Variants in PRKAR2A observed in about 807,000 individuals in gnomAD.
PRKAR2A encodes cAMP-dependent protein kinase type II-alpha regulatory subunit.
A neutral mutation model predicts 51.9 loss-of-function variants in PRKAR2A; 29 were observed. The ratio of observed to expected loss-of-function variants is 0.56; its 90% CI spans 0.42 to 0.76. PRKAR2A has a LOEUF of 0.76. Among genes scored for constraint, PRKAR2A ranks in the 30% least tolerant of loss-of-function variants. The probability of loss-of-function intolerance (pLI) is 0.00; values close to 1 mark genes in which losing one functional copy is unlikely to be tolerated. For synonymous variants in PRKAR2A, 178 were observed against 186.2 expected (o/e 0.96, Z 0.36); for missense variants, 445 against 512.1 (o/e 0.87, Z 1.26).
chr3:48,812,487 C>CTT (rs71627353), intron 1 of PRKAR2A, among the ~76,000 whole-genome samples: 12 of 134,308 alleles, frequency 8.9e-5, no homozygotes, highest in Admixed American at 2.3e-4. Flanking sequence ...GCAGAAAAAG[C>CTT]TTTTTTTTTT....
At chr3:48,824,246 A>AT (rs1301415016) in intron 1 of PRKAR2A, among the ~76,000 whole-genome samples, 2 of 152,036 alleles carry the variant, frequency 1.3e-5, no homozygotes, top group Non-Finnish European at 2.9e-5. Flanking sequence ...CGTCTAAAAA[A>AT]ATATATACAA....
chr3:48,791,791 TA>T (rs1363964476), intron 3 of PRKAR2A, among the ~76,000 whole-genome samples: 1 of 148,666 alleles, frequency 6.7e-6, no homozygotes, highest in African/African-American at 2.5e-5. Flanking sequence ...TAATCCCAGC[TA>T]CCCGAGAGGC....
At chr3:48,745,061 G>A (rs148969874), downstream of PRKAR2A, among the ~76,000 whole-genome samples, 35 of 152,076 alleles carry the variant, frequency 2.3e-4, no homozygotes, top group African/African-American at 8.2e-4. Flanking sequence ...TTTTAGTAGA[G>A]ACGGGGTTTC....
At chr3:48,822,784 G>T (rs542009505) in intron 1 of PRKAR2A, among the ~76,000 whole-genome samples, 242 of 23,488 alleles carry the variant, frequency 0.01, 1 homozygote, top group Middle Eastern at 0.028. Context: ...CTGGAGTGTG[G>T]TGGTGCAATC....
Position 48,770,626 on chromosome 3 carries a change from C to A in PRKAR2A, c.696+2329G>T, listed in dbSNP as rs114314775. 4.0e-3 allele frequency among the ~76,000 whole-genome samples: 613 copies of A among 152,196 alleles called. 7 individuals are homozygous for A. The highest frequency in any genetic ancestry group is 0.014 in the African/African-American group (584 of 41,518). Reference sequence around the variant, plus strand: ...AGAAAAGTAGAGGCCAAAAGGATATCTTGATAGGTCACTGACCTAAGAAAG... The same window carrying A: ...AGAAAAGTAGAGGCCAAAAGGATATATTGATAGGTCACTGACCTAAGAAAG... On this transcript the variant is annotated intron_variant, in intron 6 of 10. Transcript: ENST00000265563.
intron 2 of PRKAR2A, among the ~76,000 whole-genome samples, chr3:48,797,194 G>C (rs1210715366): frequency 6.6e-6 from 1 of 151,818 alleles, no homozygotes; most frequent in Non-Finnish European, 1.5e-5. Context: ...TTGAGACAGA[G>C]TCTCGCTGTC....
downstream of PRKAR2A, among the ~76,000 whole-genome samples, chr3:48,745,871 G>A (rs2081557011): frequency 6.6e-6 from 1 of 152,090 alleles, no homozygotes; most frequent in Admixed American, 6.6e-5. Flanking sequence ...TGGTATAGAA[G>A]TAAAGTAGAT....
chr3:48,766,320 C>A (rs1255205301), intron 6 of PRKAR2A, among the ~76,000 whole-genome samples: 1 of 152,090 alleles, frequency 6.6e-6, no homozygotes, highest in Non-Finnish European at 1.5e-5. Flanking sequence ...GTAATCCCAG[C>A]ATTCTGGGAG....
chr3:48,800,105 G>A (rs990407349), intron 2 of PRKAR2A, among the ~76,000 whole-genome samples: 6 of 151,486 alleles, frequency 4.0e-5, no homozygotes, highest in South Asian at 2.1e-4. Flanking sequence ...TGATCCACCC[G>A]CCTTGGCCTC....
At chr3:48,752,562 T>C (rs1209082871) in intron 9 of PRKAR2A, among the ~76,000 whole-genome samples, 1 of 152,180 alleles carries the variant, frequency 6.6e-6, no homozygotes, top group Non-Finnish European at 1.5e-5. Context: ...TCTACAGCCA[T>C]ACCATTCTGA....
chr3:48,825,616 C>T (rs1418648804), intron 1 of PRKAR2A, among the ~76,000 whole-genome samples: 2 of 151,854 alleles, frequency 1.3e-5, no homozygotes, highest in African/African-American at 4.8e-5. Context: ...TGTGCTCCAG[C>T]CTGGACAAGA....
chr3:48,802,222 AGT>A (rs1386670114), intron 2 of PRKAR2A, among the ~76,000 whole-genome samples: 1 of 152,044 alleles, frequency 6.6e-6, no homozygotes, highest in African/African-American at 2.4e-5. Context: ...TTTTATTTTT[AGT>A]AGAGACAGGA....
At chr3:48,811,776 C>T (rs1274793657) in intron 1 of PRKAR2A, among the ~76,000 whole-genome samples, 1 of 151,832 alleles carries the variant, frequency 6.6e-6, no homozygotes, top group Non-Finnish European at 1.5e-5. Context: ...CAAAATTATA[C>T]ACTTTAAAAG....
At chr3:48,829,069 C>CA (rs1351408033) in intron 1 of PRKAR2A, among the ~76,000 whole-genome samples, 2 of 151,856 alleles carry the variant, frequency 1.3e-5, no homozygotes, top group Admixed American at 6.6e-5. Context: ...CTTCTGACCA[C>CA]AAGTGATCCA....
intron 1 of PRKAR2A, among the ~76,000 whole-genome samples, chr3:48,836,117 A>C (rs1432152819): frequency 6.6e-6 from 1 of 152,062 alleles, no homozygotes; most frequent in Non-Finnish European, 1.5e-5. Context: ...GGATATTTAC[A>C]TGTAAAAGAA....
At chr3:48,762,950 A>G (rs1394015440) in intron 8 of PRKAR2A, among the ~76,000 whole-genome samples, 3 of 152,154 alleles carry the variant, frequency 2.0e-5, no homozygotes, top group Admixed American at 6.6e-5. Context: ...ACAGTGACAG[A>G]AAACATCAAT....
At position 48,794,057 on chromosome 3, in the gene PRKAR2A, T is replaced by C; in HGVS notation, c.299-8A>G. 1.3e-6 allele frequency: 2 copies of C among 1,592,652 alleles called. No homozygotes were observed. The highest frequency in any genetic ancestry group is 2.3e-5 in the South Asian group (2 of 88,598). Reference sequence around the variant, plus strand: ...TATAGGTCTCAGCACAGACTAAAATTGGAGAGAAAAAAACAAAAAGAATGA... The same window carrying C: ...TATAGGTCTCAGCACAGACTAAAATCGGAGAGAAAAAAACAAAAAGAATGA... On this transcript the variant is annotated splice_region_variant and splice_polypyrimidine_tract_variant and intron_variant, in intron 2 of 10. Transcript: ENST00000265563.
chr3:48,777,071 C>A (rs759950662), intron 5 of PRKAR2A, among the ~76,000 whole-genome samples: 2 of 152,152 alleles, frequency 1.3e-5, no homozygotes, highest in South Asian at 4.2e-4. Flanking sequence ...TCGGTGCTGA[C>A]GGGGAGTTCA....
intron 8 of PRKAR2A, among the ~76,000 whole-genome samples, chr3:48,764,243 G>A (rs2081905149): frequency 6.6e-6 from 1 of 152,176 alleles, no homozygotes; most frequent in Non-Finnish European, 1.5e-5. Flanking sequence ...AAAATTATCA[G>A]ACAGTACTCA....
Sources: allele counts gnomAD v4.1 joint callset (sites outside exome capture counted in the v4.1 genomes callset), GRCh38; gene constraint gnomAD v4.1.1; transcripts MANE v1.5; gene names NCBI Gene and HGNC (gene_info 2026-07-23, HGNC 2026-07-21).